Variants in COQ3 observed in about 807,000 individuals in gnomAD.
COQ3 encodes the protein ubiquinone biosynthesis O-methyltransferase, mitochondrial.
A neutral mutation model predicts 33.1 loss-of-function variants in COQ3; 29 were observed. That is an observed-to-expected ratio of 0.88 (90% confidence interval 0.65 to 1.19). The LOEUF is 1.19. Among genes scored for constraint, COQ3 ranks in the 50% most tolerant of loss-of-function variants. The probability of loss-of-function intolerance (pLI) is 0.00; values close to 1 mark genes in which losing one functional copy is unlikely to be tolerated. For synonymous variants in COQ3, 173 were observed against 157.8 expected, an observed-to-expected ratio of 1.10 and a Z score of -0.72; for missense variants, 437 against 430.7, an observed-to-expected ratio of 1.01 and a Z score of -0.13.
rs1389220731 is a variant in COQ3 at position 99,369,697 on chromosome 6, T to C, written c.1013A>G (p.His338Arg). The stretch of plus-strand genomic sequence containing the variant: ...TAAAACAAACTCAGCAGAGGCTGGG[T>C]GTTCCTGGACCCTGGATTTCACAGC... ...AYAVKSRVQE[H>R]PASAEFVLKG... Residue 338 changes from histidine to arginine, a missense_variant, in exon 7 of 7, where the codon CAC becomes CGC. By Grantham distance (29) the His-to-Arg change is conservative. Transcript: ENST00000254759. 13 of 1,613,952 alleles carry C rather than the reference T, an allele frequency of 8.1e-6. No individual in the cohort carries two copies. The South Asian group carries it at 1.3e-4, about 16-fold the overall frequency.
intron 1 of COQ3, 22 bp downstream of exon 1, chr6:99,394,052 G>C (rs576048065): frequency 1.3e-6 from 2 of 1,592,074 alleles, no homozygotes; most frequent in Admixed American, 1.7e-5. Flanking sequence ...TGCATGCGAA[G>C]GACCTCCGCA....
intron 5 of COQ3, among the ~76,000 whole-genome samples, chr6:99,374,122 CAA>C (rs146515261): frequency 2.4e-4 from 21 of 86,446 alleles, no homozygotes; most frequent in East Asian, 6.9e-4. Context: ...CTGACATTAG[CAA>C]AAAAAAAAAA....
At chr6:99,385,941 C>T (rs1255324550) in intron 1 of COQ3, among the ~76,000 whole-genome samples, 29 of 138,920 alleles carry the variant, frequency 2.1e-4, no homozygotes, top group African/African-American at 7.9e-4. Context: ...TGCGCCACTG[C>T]ACTCCCACCT....
intron 3 of COQ3, among the ~76,000 whole-genome samples, chr6:99,378,952 T>C (rs1774384795): frequency 6.6e-6 from 1 of 151,248 alleles, no homozygotes; most frequent in Non-Finnish European, 1.5e-5. Flanking sequence ...TTCTTTCTTT[T>C]TTTTTTTTTT....
chr6:99,371,424 T>A lies in COQ3; in HGVS notation c.889+4A>T, dbSNP rs1774139629. On this transcript the variant is annotated splice_donor_region_variant and intron_variant, in intron 6 of 6. Transcript: ENST00000254759. ...AAATTGGAAAAAATTCTCTTAATAC[T>A]TACTTGATTCCAGAATGCTCTCTAG... is the stretch of plus-strand genomic sequence containing the variant. 6.3e-7 allele frequency: 1 copy of A among 1,575,638 alleles called. No homozygotes were observed. Among genetic ancestry groups the A allele is most frequent in the Non-Finnish European group, 8.6e-7 (1 of 1,167,616 alleles).
chr6:99,380,523 T>C (rs1346232818), intron 2 of COQ3, among the ~76,000 whole-genome samples, 182 bp from the exon 3 acceptor site: 1 of 152,150 alleles, frequency 6.6e-6, no homozygotes, highest in East Asian at 1.9e-4. Context: ...AATACATCTA[T>C]TCACAGACGA....
In COQ3 at chr6:99,375,928, C is replaced by T. The variant is rs1774267942; in HGVS notation, c.729+12G>A. On this transcript the variant is annotated intron_variant, in intron 5 of 6. Transcript: ENST00000254759. Reference sequence around the variant, plus strand: ...GAAGAAGAAACCAAGATGTAAACTCCATAAGCCTTACTTTTAACACTTGAC... The same window carrying T: ...GAAGAAGAAACCAAGATGTAAACTCTATAAGCCTTACTTTTAACACTTGAC... The T allele has an allele frequency of 6.2e-7, 1 of 1,613,456 alleles. No homozygotes were observed. Among genetic ancestry groups the T allele is most frequent in the Admixed American group, 1.7e-5 (1 of 59,992 alleles).
chr6:99,377,291 T>C (rs1202447905), intron 4 of COQ3, 95 bp downstream of exon 4: 2 of 1,012,384 alleles, frequency 2.0e-6, no homozygotes, highest in Non-Finnish European at 3.1e-6. Flanking sequence ...CTTTTTTTAA[T>C]GAATAATATT....
rs760080328 is a variant in COQ3, at chr6:99,383,754, T to C, written c.177A>G (p.Ile59Met). 5 of 1,603,702 alleles carry C rather than the reference T, an allele frequency of 3.1e-6. No individual in the cohort carries two copies. In the South Asian group the frequency reaches 3.4e-5, roughly 11 times the overall value. ...KPGVFNEYRTIWFKSYRTIFS... is the reference protein window; with the variant it reads ...KPGVFNEYRTMWFKSYRTIFS... ...AGATCGTCCTGTAGGATTTGAACCATATGGTTCTGTATTCATTGAAAACCC... is the reference window on the plus strand; with the variant it reads ...AGATCGTCCTGTAGGATTTGAACCACATGGTTCTGTATTCATTGAAAACCC... The change falls in exon 2 of 7, where the codon ATA (isoleucine) becomes ATG (methionine). Residue 59 changes from isoleucine (I) to methionine (M), a missense_variant. Transcript: ENST00000254759.
rs772843589 is a variant in COQ3, at chr6:99,371,415, T to G, written c.889+13A>C. 5 of 1,564,714 alleles carry G rather than the reference T, an allele frequency of 3.2e-6. No homozygotes were observed. The South Asian group carries it at 6.0e-5, about 19-fold the overall frequency. On this transcript the variant is annotated intron_variant, in intron 6 of 6. Transcript: ENST00000254759. Reference sequence around the variant, plus strand: ...AGGCCTGGAAAATTGGAAAAAATTCTCTTAATACTTACTTGATTCCAGAAT... The same window carrying G: ...AGGCCTGGAAAATTGGAAAAAATTCGCTTAATACTTACTTGATTCCAGAAT...
chr6:99,377,405 C>T lies in COQ3; in HGVS notation c.467G>A (p.Gly156Asp). 1 of 1,613,554 alleles carries T rather than the reference C, an allele frequency of 6.2e-7. No homozygotes were observed. The highest frequency in any genetic ancestry group is 2.2e-5 in the East Asian group (1 of 44,840). ...LGMKILDVGC[G>D]GGLLTEPLGR... ...ACTTACTTCAGTTAACAGCCCACCA[C>T]CACAGCCAACGTCAAGAATCTTCAT... is the stretch of plus-strand genomic sequence containing the variant. Residue 156 changes from glycine to aspartate, a missense_variant, in exon 4 of 7, where the codon GGT becomes GAT. Physicochemically the swap from Gly to Asp is moderately conservative, Grantham distance 94 (BLOSUM62 -1). Coordinates refer to ENST00000254759, the MANE Select transcript of COQ3 (RefSeq NM_017421.4).
intron 1 of COQ3, among the ~76,000 whole-genome samples, chr6:99,386,037 G>C (rs1237324445): frequency 7.9e-6 from 1 of 127,182 alleles, no homozygotes; most frequent in Non-Finnish European, 1.7e-5. Flanking sequence ...AGGAAGAAAG[G>C]CCTCGAATCA....
Position 99,370,881 on chromosome 6 carries a change from G to A in COQ3, c.889+547C>T, listed in dbSNP as rs531954399. On this transcript the variant is annotated intron_variant, in intron 6 of 6. Transcript: ENST00000254759. ...CACATAAATCGAGAGCTCACTCTGT[G>A]TAAAGCAGAGCTAGGCATTGTAGAG... 1.8e-4 allele frequency among the ~76,000 whole-genome samples: 28 copies of A among 152,246 alleles called. No homozygotes were observed. The South Asian group carries it at 5.6e-3, about 30-fold the overall frequency.
In COQ3 at chr6:99,376,037, T is replaced by G. The variant is rs746792283; in HGVS notation, c.632A>C (p.Glu211Ala). The G allele has an allele frequency of 1.2e-6, 2 of 1,614,140 alleles. No individual in the cohort carries two copies. Among genetic ancestry groups the G allele is most frequent in the Non-Finnish European group, 8.5e-7 (1 of 1,179,968 alleles). Reference sequence around the variant, plus strand: ...AACAGCATCAAATGTTTCTGCAGTCTCTTCCACAATCTCTTCCAGGGAACA... The same window carrying G: ...AACAGCATCAAATGTTTCTGCAGTCGCTTCCACAATCTCTTCCAGGGAACA... Reference protein sequence around the residue: ...RVCSLEEIVEETAETFDAVVA... With the variant: ...RVCSLEEIVEATAETFDAVVA... Residue 211 changes from glutamate to alanine, a missense_variant, in exon 5 of 7, where the codon GAG (glutamate) becomes GCG (alanine). Physicochemically the swap from Glu to Ala is moderately radical, Grantham distance 107. Coordinates refer to ENST00000254759, the MANE Select transcript of COQ3 (RefSeq NM_017421.4).
intron 1 of COQ3, among the ~76,000 whole-genome samples, chr6:99,390,319 C>A (rs1178834868): frequency 6.8e-6 from 1 of 146,334 alleles, no homozygotes; most frequent in African/African-American, 2.5e-5. Flanking sequence ...ACACTGTCAC[C>A]CATACAATGT....
chr6:99,380,400 T>C, intron 2 of COQ3, 59 bp from the exon 3 acceptor site: 1 of 1,511,206 alleles, frequency 6.6e-7, no homozygotes, highest in South Asian at 1.1e-5. Context: ...ATGTTTAACA[T>C]GGGATATTAT....
rs76651555 is a variant in COQ3, at chr6:99,374,033, T to G, written c.729+1907A>C. Among the ~76,000 whole-genome samples, 39 of 148,036 alleles carry G rather than the reference T, an allele frequency of 2.6e-4. No individual in the cohort carries two copies. The East Asian group carries it at 7.6e-3, about 29-fold the overall frequency. ...AAAAACAGAGGAAACACCAAAAAAC[T>G]GTCACAGATTAAAGAAGACTAAGGA... On this transcript the variant is annotated intron_variant, in intron 5 of 6. Transcript: ENST00000254759.
At chr6:99,372,269 G>A (rs1005093808) in intron 5 of COQ3, among the ~76,000 whole-genome samples, 5 of 151,978 alleles carry the variant, frequency 3.3e-5, no homozygotes, top group Non-Finnish European at 2.9e-5. Flanking sequence ...GCTGGGCATC[G>A]TGGTGAGTGC....
chr6:99,376,170 G>T lies in COQ3; in HGVS notation c.499C>A (p.Leu167Ile). Residue 167 changes from leucine to isoleucine, a missense_variant, in exon 5 of 7, where the codon CTT becomes ATT. Physicochemically the swap from Leu to Ile is conservative, Grantham distance 5. Coordinates refer to ENST00000254759, the MANE Select transcript of COQ3 (RefSeq NM_017421.4). ...GGLLTEPLGR[L>I]GASVIGIDPV... is the part of the protein sequence containing the mutation. ...TCGATTCCAATAACTGAAGCCCCAA[G>T]CCGCCCTAGAGGCTAATGGCATTAA... The T allele has an allele frequency of 6.2e-7, 1 of 1,613,960 alleles. No individual in the cohort carries two copies. The highest frequency in any genetic ancestry group is 1.3e-5 in the African/African-American group (1 of 75,020).
Sources: allele counts gnomAD v4.1 joint callset (sites outside exome capture counted in the v4.1 genomes callset), GRCh38; gene constraint gnomAD v4.1.1; transcripts MANE v1.5; gene names NCBI Gene and HGNC (gene_info 2026-07-23, HGNC 2026-07-21).